Variants in DIP2A observed in about 807,000 individuals in gnomAD.
DIP2A encodes DIP2 acetate--CoA ligase A, also known as disco-interacting protein 2 homolog A.
In DIP2A, 85 loss-of-function variants were observed where a neutral mutation model predicts 177.4. The observed-to-expected ratio is 0.48, with a 90% CI of 0.40 to 0.57. The LOEUF (loss-of-function observed/expected upper bound fraction) is 0.57. Among genes scored for constraint, DIP2A ranks in the 20% least tolerant of loss-of-function variants. The pLI is 0.00. For missense variants in DIP2A, 1,791 were observed against 2,100.2 expected, an observed-to-expected ratio of 0.85 and a Z score of 2.88; for synonymous variants, 886 against 881.8, an observed-to-expected ratio of 1.00 and a Z score of -0.08.
chr21:46,519,753 A>G (rs2058736313), intron 8 of DIP2A, among the ~76,000 whole-genome samples: 1 of 151,920 alleles, frequency 6.6e-6, no homozygotes, highest in African/African-American at 2.4e-5. Flanking sequence ...TATCCCAAGT[A>G]AATTAAATAG....
the DIP2A span, among the ~76,000 whole-genome samples, chr21:46,580,111 T>G: frequency 6.6e-6 from 1 of 152,232 alleles, no homozygotes; most frequent in Non-Finnish European, 1.5e-5. Context: ...TCTAAAAACT[T>G]GTTTTATAAA....
intron 3 of DIP2A, among the ~76,000 whole-genome samples, chr21:46,494,561 C>T (rs192990748): frequency 5.9e-4 from 90 of 152,246 alleles, no homozygotes; most frequent in African/African-American, 1.8e-3. Context: ...AGAATATTTC[C>T]GTAAAGAGAA....
At chr21:46,473,168 G>A (rs1013728684) in intron 1 of DIP2A, among the ~76,000 whole-genome samples, 1 of 152,122 alleles carries the variant, frequency 6.6e-6, no homozygotes, top group Non-Finnish European at 1.5e-5. Context: ...AAATGAGCAA[G>A]ATGAAAATAT....
At chr21:46,480,129 A>AT (rs1305742789) in intron 1 of DIP2A, among the ~76,000 whole-genome samples, 1 of 148,152 alleles carries the variant, frequency 6.7e-6, no homozygotes, top group Non-Finnish European at 1.5e-5. Context: ...GTCTGTTCTC[A>AT]TGCTGCTAAC....
At chr21:46,558,660 T>C (rs531157411) in intron 32 of DIP2A, 4 of 487,534 alleles carry the variant, frequency 8.2e-6, no homozygotes, top group Admixed American at 7.4e-5. Context: ...AAGTTAGATA[T>C]AAAACACAGC....
In DIP2A at chr21:46,558,306, C is replaced by T. The variant is rs752199588; in HGVS notation, c.3882C>T (p.Phe1294=). ...CCAGGATTGCGCTGACCCAGTCCTT[C>T]TCCAAGCTCTTCAAGGACCTGGGCC... ...ERPRIALTQS[F]SKLFKDLGLP... is the part of the protein sequence containing the mutation. Residue 1294 remains phenylalanine (F), a synonymous_variant, in exon 32 of 38, where the codon TTC becomes TTT. Coordinates refer to ENST00000417564, the MANE Select transcript of DIP2A (RefSeq NM_015151.4). 1.2e-6 allele frequency: 2 copies of T among 1,609,178 alleles called. No homozygotes were observed. Among genetic ancestry groups the T allele is most frequent in the Admixed American group, 1.7e-5 (1 of 59,650 alleles).
chr21:46,471,343 G>GT (rs2055364082), intron 1 of DIP2A, among the ~76,000 whole-genome samples: 1 of 152,080 alleles, frequency 6.6e-6, no homozygotes, highest in Non-Finnish European at 1.5e-5. Flanking sequence ...ATTTGTTTTT[G>GT]TTTTTTAAGA....
At chr21:46,538,413 C>T (rs945422730) in intron 15 of DIP2A, 70 bp from the exon 16 acceptor site, 21 of 1,512,032 alleles carry the variant, frequency 1.4e-5, no homozygotes, top group East Asian at 4.9e-5. Context: ...ATGAGGTACA[C>T]GTGTCTGTAG....
At chr21:46,527,614 C>G (rs546833855) in intron 8 of DIP2A, among the ~76,000 whole-genome samples, 1 of 152,110 alleles carries the variant, frequency 6.6e-6, no homozygotes, top group Admixed American at 6.5e-5. Context: ...GCATGAGTCA[C>G]CGTGCCCAGT....
At chr21:46,546,391 G>C (rs2060040237) in intron 20 of DIP2A, 3 of 892,518 alleles carry the variant, frequency 3.4e-6, no homozygotes, top group South Asian at 4.5e-5. Flanking sequence ...AGACATTTTT[G>C]CTTGTCACAA....
the DIP2A span, among the ~76,000 whole-genome samples, chr21:46,575,911 T>C: frequency 2.6e-4 from 40 of 152,306 alleles, no homozygotes; most frequent in African/African-American, 9.6e-4. Context: ...AAAATTGATA[T>C]AGAATCTAAA....
chr21:46,474,204 T>C (rs2055647435), intron 1 of DIP2A, among the ~76,000 whole-genome samples: 1 of 152,188 alleles, frequency 6.6e-6, no homozygotes, highest in African/African-American at 2.4e-5. Flanking sequence ...TGGGAGATGA[T>C]GGTGCTGCTC....
rs2060447839 is a variant in DIP2A, at chr21:46,555,817, T to G, written c.3389-165T>G. 4.6e-6 allele frequency: 3 copies of G among 645,992 alleles called. No homozygotes were observed. The South Asian group carries it at 5.2e-5, about 11-fold the overall frequency. The allele number at this position is 645,992 out of a possible 1,614,324, so 40.0% of individuals were successfully genotyped here. The stretch of plus-strand genomic sequence containing the variant: ...TTTCCATGAAGAATGAAATACGCTT[T>G]CCTGAGCACGCACAGCCTGCATCGT... On this transcript the variant is annotated intron_variant, in intron 28 of 37. Transcript: ENST00000417564.
intron 2 of DIP2A, among the ~76,000 whole-genome samples, chr21:46,489,604 G>A (rs956791523): frequency 7.2e-5 from 11 of 152,196 alleles, no homozygotes; most frequent in Non-Finnish European, 1.0e-4. Flanking sequence ...TGCGCTTGTT[G>A]GGGCAGTCAC....
At position 46,565,390 on chromosome 21, in the gene DIP2A, C is replaced by T. The variant is rs895039583; in HGVS notation, c.4165-323C>T. On this transcript the variant is annotated intron_variant, in intron 35 of 37. Coordinates refer to ENST00000417564, the MANE Select transcript of DIP2A (RefSeq NM_015151.4). ...TCCCTGTTGTGGAATGTGGGTTGCT[C>T]CCGGCCCTCTCTTATTACCAACAAT... is the stretch of plus-strand genomic sequence containing the variant. Among the ~76,000 whole-genome samples the T allele has an allele frequency of 2.0e-5, 3 of 152,326 alleles. 1 individual carries two copies.
intron 33 of DIP2A, chr21:46,561,456 C>A: frequency 2.2e-6 from 1 of 458,160 alleles, no homozygotes; most frequent in Non-Finnish European, 4.0e-6. Context: ...CTAGGTTTAG[C>A]TTACTGGGTG....
downstream of DIP2A, among the ~76,000 whole-genome samples, chr21:46,573,768 T>C (rs2060980194): frequency 6.7e-6 from 1 of 148,856 alleles, no homozygotes; most frequent in African/African-American, 2.5e-5. Context: ...CAAGAAATGA[T>C]GGACATTAAT....
At chr21:46,459,312 T>C (rs1601258377) in intron 1 of DIP2A, 90 bp downstream of exon 1, 1 of 986,600 alleles carries the variant, frequency 1.0e-6, no homozygotes, top group Non-Finnish European at 1.3e-6. Context: ...GCGCGGCCCC[T>C]CACTCCAGGA....
chr21:46,461,533 T>C (rs1288662983), intron 1 of DIP2A, among the ~76,000 whole-genome samples: 9 of 152,138 alleles, frequency 5.9e-5, no homozygotes, highest in African/African-American at 1.9e-4. Flanking sequence ...TGTAGTTGTG[T>C]TTGAGTGCTT....
Sources: gnomAD v4.1 joint callset for allele counts (sites outside exome capture counted in the v4.1 genomes callset) on GRCh38, gnomAD v4.1.1 for gene constraint, MANE v1.5 for transcripts, NCBI Gene and HGNC (gene_info 2026-07-23, HGNC 2026-07-21) for gene names.